Variants in B3GNT7 observed in about 807,000 individuals in gnomAD.
B3GNT7 encodes UDP-GlcNAc:betaGal beta-1,3-N-acetylglucosaminyltransferase 7.
B3GNT7 carries 9 observed loss-of-function variants against 5.1 expected under a neutral mutation model. That is an observed-to-expected ratio of 1.77 (90% CI 1.07 to 3.09). The LOEUF is 3.09. Among genes scored for constraint, B3GNT7 ranks in the 30% most tolerant of loss-of-function variants. B3GNT7 has a pLI of 0.00. For synonymous variants in B3GNT7, 253 were observed against 248.6 expected (o/e 1.02, Z -0.17); for missense variants, 468 against 550.8 (o/e 0.85, Z 1.50).
At chr2:231,397,133 T>G in intron 1 of B3GNT7, 1 of 944,504 alleles carries the variant, frequency 1.1e-6, no homozygotes, top group Non-Finnish European at 1.3e-6. Flanking sequence ...GGAGGGCCAG[T>G]CTTCCTCAGG....
Position 231,398,932 on chromosome 2 carries a change from C to CCGGGCTA in B3GNT7, c.*9_*15dup. ...CAAGCTCCAGGTGCTCTGACCCCAG[C>CCGGGCTA]CGGGCTACTAGGACAGGCCAGGGCA... On this transcript the variant is annotated 3_prime_UTR_variant, in exon 2 of 2. Coordinates refer to ENST00000287590, the MANE Select transcript of B3GNT7 (RefSeq NM_145236.3). The CCGGGCTA allele has an allele frequency of 1.3e-6, 2 of 1,558,812 alleles. No homozygotes were observed. The highest frequency in any genetic ancestry group is 1.2e-5 in the South Asian group (1 of 86,280).
intron 1 of B3GNT7, chr2:231,397,173 C>T (rs942362589): frequency 4.1e-6 from 4 of 985,320 alleles, no homozygotes; most frequent in Admixed American, 6.2e-5. Flanking sequence ...TCCAATGTGC[C>T]CCACATGTGA....
At position 231,398,598 on chromosome 2, in the gene B3GNT7, C is replaced by T; in HGVS notation, c.879C>T (p.Ser293=). The change falls in exon 2 of 2, where the codon AGC becomes AGT. Residue 293 remains serine (S), a synonymous_variant. Transcript: ENST00000287590. ...YIPGALYGKA[S]YPPYAGGGGF... ...CGGGGGCCCTGTACGGCAAGGCCAG[C>T]TATCCGCCGTATGCAGGCGGCGGTG... is the stretch of plus-strand genomic sequence containing the variant. 6.2e-7 allele frequency: 1 copy of T among 1,612,778 alleles called. No homozygotes were observed. The highest frequency in any genetic ancestry group is 8.5e-7 in the Non-Finnish European group (1 of 1,179,638).
Position 231,398,114 on chromosome 2 carries a change from G to T in B3GNT7, c.395G>T (p.Gly132Val), listed in dbSNP as rs779323021. ...MLLNHPEKCR[G>V]DVYLLVVVKS... ...CTGAACCACCCGGAGAAGTGCAGGG[G>T]CGATGTCTACCTGCTGGTGGTTGTC... The change falls in exon 2 of 2, where the codon GGC (glycine) becomes GTC (valine). Residue 132 changes from glycine to valine, a missense_variant. Transcript: ENST00000287590. 2.5e-6 allele frequency: 4 copies of T among 1,609,724 alleles called. No individual in the cohort carries two copies. The highest frequency in any genetic ancestry group is 1.1e-5 in the South Asian group (1 of 90,650).
Position 231,395,853 on chromosome 2 carries a change from G to C in B3GNT7, c.11+39G>C, listed in dbSNP as rs1422808074. 8.7e-7 allele frequency: 1 copy of C among 1,146,950 alleles called. No homozygotes were observed. The highest frequency in any genetic ancestry group is 1.1e-6 in the Non-Finnish European group (1 of 929,642). 71.0% of individuals were successfully genotyped at this position (1,146,950 alleles called of 1,614,324 possible). Reference sequence around the variant, plus strand: ...GGGGCCGTCGGGGGCCTGGGCGGGGGCGTGGGCCCGGGGCTCCCCCTCCTC... The same window carrying C: ...GGGGCCGTCGGGGGCCTGGGCGGGGCCGTGGGCCCGGGGCTCCCCCTCCTC... On this transcript the variant is annotated intron_variant, in intron 1 of 1. Coordinates refer to ENST00000287590, the MANE Select transcript of B3GNT7 (RefSeq NM_145236.3). The surrounding 1 kb of genome is among the most constrained non-coding windows in gnomAD (Gnocchi z 7.3).
At position 231,401,067 on chromosome 2, in the gene B3GNT7, T is replaced by C. The variant is rs1471765606; in HGVS notation, c.*2142T>C. ...ACGTGGACCCCTTAGAGTTGTAAGC[T>C]CTTAAAAGGGCTAGGAATTTCTTTT... On this transcript the variant is annotated 3_prime_UTR_variant, in exon 2 of 2. Coordinates refer to ENST00000287590, the MANE Select transcript of B3GNT7 (RefSeq NM_145236.3). 1 of 152,218 alleles carries C rather than the reference T, an allele frequency of 6.6e-6. No individual in the cohort carries two copies. Among genetic ancestry groups the C allele is most frequent in the African/African-American group, 2.4e-5 (1 of 41,448 alleles). The allele number at this position is 152,218 out of a possible 1,614,324, so 9.4% of individuals were successfully genotyped here.
At position 231,397,717 on chromosome 2, in the gene B3GNT7, G is replaced by T. The variant is rs1206938091; in HGVS notation, c.12-14G>T. ...CTTTTCTCTCTCCTCTGTACTGTCC[G>T]CTCTCCCCCACAGGAAGAAAACCGT... On this transcript the variant is annotated splice_polypyrimidine_tract_variant and intron_variant, in intron 1 of 1. Transcript: ENST00000287590. 2 of 1,598,002 alleles carry T rather than the reference G, an allele frequency of 1.3e-6. No individual in the cohort carries two copies. The highest frequency in any genetic ancestry group is 8.5e-7 in the Non-Finnish European group (1 of 1,172,838).
chr2:231,398,020 T>C lies in B3GNT7; in HGVS notation c.301T>C (p.Phe101Leu), dbSNP rs374018323. Residue 101 changes from phenylalanine to leucine, a missense_variant, in exon 2 of 2, where the codon TTC becomes CTC. By Grantham distance (22) the Phe-to-Leu change is conservative (BLOSUM62 0). Coordinates refer to ENST00000287590, the MANE Select transcript of B3GNT7 (RefSeq NM_145236.3). ...ANINLTHQPW[F>L]QVLEPQFRQF... ...TATCAACTTGACCCACCAGCCCTGGTTCCAGGTCCTGGAGCCGCAGTTCCG... is the reference window on the plus strand; with the variant it reads ...TATCAACTTGACCCACCAGCCCTGGCTCCAGGTCCTGGAGCCGCAGTTCCG... The C allele has an allele frequency of 1.1e-5, 17 of 1,610,192 alleles. No individual in the cohort carries two copies. The highest frequency in any genetic ancestry group is 1.4e-5 in the Non-Finnish European group (17 of 1,179,884).
chr2:231,398,680 G>A lies in B3GNT7; in HGVS notation c.961G>A (p.Glu321Lys). The change falls in exon 2 of 2, where the codon GAG (glutamate) becomes AAG (lysine). Residue 321 changes from glutamate to lysine, a missense_variant. Glu to Lys is a moderately conservative substitution (Grantham distance 56). Coordinates refer to ENST00000287590, the MANE Select transcript of B3GNT7 (RefSeq NM_145236.3). The stretch of plus-strand genomic sequence containing the variant: ...CCTGCACCATGCCTGCGACACCCTG[G>A]AGCTCTACCCGATCGACGACGTCTT... ...RRLHHACDTLELYPIDDVFLG... is the reference protein window; with the variant it reads ...RRLHHACDTLKLYPIDDVFLG... The A allele has an allele frequency of 6.2e-7, 1 of 1,612,198 alleles. No homozygotes were observed.
chr2:231,398,169 C>G lies in B3GNT7; in HGVS notation c.450C>G (p.Arg150=). 6.3e-7 allele frequency: 1 copy of G among 1,591,112 alleles called. No homozygotes were observed. ...VKSVITQHDR[R]EAIRQTWGRE... ...CGGTCATCACGCAGCACGACCGCCG[C>G]GAGGCCATCCGCCAGACCTGGGGCC... Residue 150 remains arginine, a synonymous_variant, in exon 2 of 2, where the codon CGC becomes CGG. Transcript: ENST00000287590.
chr2:231,399,077 G>A lies in B3GNT7; in HGVS notation c.*152G>A. The A allele has an allele frequency of 1.5e-6, 1 of 684,016 alleles. No homozygotes were observed. The highest frequency in any genetic ancestry group is 1.9e-5 in the South Asian group (1 of 51,552). The allele number at this position is 684,016 out of a possible 1,614,324, so 42.4% of individuals were successfully genotyped here. A position where few individuals can be genotyped will look rare whatever the true frequency, so the allele number is the denominator to read the frequency against. ...TGCCACTGGGTGTGGTGGGGTGCAG[G>A]TAGCCAGAAAGGGACCTCCCTGTGT... On this transcript the variant is annotated 3_prime_UTR_variant, in exon 2 of 2. Coordinates refer to ENST00000287590, the MANE Select transcript of B3GNT7 (RefSeq NM_145236.3).
Position 231,398,288 on chromosome 2 carries a change from A to G in B3GNT7, c.569A>G (p.Gln190Arg). The change falls in exon 2 of 2, where the codon CAG becomes CGG. Residue 190 changes from glutamine (Q) to arginine (R), a missense_variant. By Grantham distance (43) the Gln-to-Arg change is conservative (BLOSUM62 1). Transcript: ENST00000287590. ...AAGCAGGAGGAGCGCACGCACTACC[A>G]GCAGCTGCTGGCCTACGAAGACCGC... is the stretch of plus-strand genomic sequence containing the variant. The part of the protein sequence containing the change: ...ASKQEERTHY[Q>R]QLLAYEDRLY... The G allele has an allele frequency of 6.2e-7, 1 of 1,613,040 alleles. No individual in the cohort carries two copies. The highest frequency in any genetic ancestry group is 1.3e-5 in the African/African-American group (1 of 75,070).
chr2:231,395,730 C>T lies in B3GNT7; in HGVS notation c.-74C>T. ...CCGGTCTCCGTCCCCACCCGCCCGC[C>T]GTCCCGCCGGCCCGAGCCGTGGCGC... is the stretch of plus-strand genomic sequence containing the variant. On this transcript the variant is annotated 5_prime_UTR_variant, in exon 1 of 2. Coordinates refer to ENST00000287590, the MANE Select transcript of B3GNT7 (RefSeq NM_145236.3). This position sits in a 1 kb window ranked among gnomAD's most constrained non-coding sequence, Gnocchi z 7.3. The T allele has an allele frequency of 4.4e-6, 5 of 1,144,634 alleles. No homozygotes were observed. Among genetic ancestry groups the T allele is most frequent in the Non-Finnish European group, 5.4e-6 (5 of 932,488 alleles). 70.9% of individuals were successfully genotyped at this position (1,144,634 alleles called of 1,614,324 possible).
rs2046549294 is a variant in B3GNT7, at chr2:231,399,899, C to T, written c.*974C>T. 1 of 152,728 alleles carries T rather than the reference C, an allele frequency of 6.5e-6. No individual in the cohort carries two copies. Among genetic ancestry groups the T allele is most frequent in the Non-Finnish European group, 1.5e-5 (1 of 68,452 alleles). 9.5% of individuals were successfully genotyped at this position (152,728 alleles called of 1,614,324 possible). A position where few individuals can be genotyped will look rare whatever the true frequency, so the allele number is the denominator to read the frequency against. ...GCTGCCTGCCCTCAGCACCCCCAGG[C>T]CCCTCACAGCCCAGCCCCCTCCAGA... On this transcript the variant is annotated 3_prime_UTR_variant, in exon 2 of 2. Transcript: ENST00000287590.
At position 231,398,275 on chromosome 2, in the gene B3GNT7, C is replaced by T. The variant is rs768768447; in HGVS notation, c.556C>T (p.Arg186Cys). Residue 186 changes from arginine (R) to cysteine (C), a missense_variant, in exon 2 of 2, where the codon CGC (arginine) becomes TGC (cysteine). Coordinates refer to ENST00000287590, the MANE Select transcript of B3GNT7 (RefSeq NM_145236.3). ...LLGTASKQEE[R>C]THYQQLLAYE... ...GGGCACGGCCTCCAAGCAGGAGGAG[C>T]GCACGCACTACCAGCAGCTGCTGGC... The T allele has an allele frequency of 1.9e-5, 31 of 1,612,750 alleles. No individual in the cohort carries two copies. The Admixed American group carries it at 4.7e-4, about 24-fold the overall frequency.
rs982888461 is a variant in B3GNT7, at chr2:231,395,975, C to CGCG, written c.11+175_11+177dup. ...TCCCGGGGGCGGATGGGCGGGCGGG[C>CGCG]GCGGCGGCGGCGGCGGGAGATGTTC... On this transcript the variant is annotated intron_variant, in intron 1 of 1. Transcript: ENST00000287590. The surrounding 1 kb of genome is among the most constrained non-coding windows in gnomAD (Gnocchi z 7.3). Among the ~76,000 whole-genome samples the CGCG allele has an allele frequency of 6.6e-5, 10 of 151,212 alleles. No individual in the cohort carries two copies. Among genetic ancestry groups the CGCG allele is most frequent in the Non-Finnish European group, 1.0e-4 (7 of 67,634 alleles).
Position 231,399,744 on chromosome 2 carries a change from G to A in B3GNT7, c.*819G>A, listed in dbSNP as rs1454283723. 1 of 152,152 alleles carries A rather than the reference G, an allele frequency of 6.6e-6. No homozygotes were observed. Among genetic ancestry groups the A allele is most frequent in the Non-Finnish European group, 1.5e-5 (1 of 68,094 alleles). The allele number at this position is 152,152 out of a possible 1,614,324, so 9.4% of individuals were successfully genotyped here. ...TCCCTGGCTGGAAAGCAGCCGGTTTGGCCCTGGAAGTGGACATTCCTCTAT... is the reference window on the plus strand; with the variant it reads ...TCCCTGGCTGGAAAGCAGCCGGTTTAGCCCTGGAAGTGGACATTCCTCTAT... On this transcript the variant is annotated 3_prime_UTR_variant, in exon 2 of 2. Transcript: ENST00000287590.
At position 231,395,783 on chromosome 2, in the gene B3GNT7, G is replaced by T; in HGVS notation, c.-21G>T. The T allele has an allele frequency of 8.6e-7, 1 of 1,168,626 alleles. No individual in the cohort carries two copies. Among genetic ancestry groups the T allele is most frequent in the Non-Finnish European group, 1.1e-6 (1 of 948,362 alleles). 72.4% of individuals were successfully genotyped at this position (1,168,626 alleles called of 1,614,324 possible). A position where few individuals can be genotyped will look rare whatever the true frequency, so the allele number is the denominator to read the frequency against. Reference sequence around the variant, plus strand: ...AGAGCTGCGAGCCGCTCGCCCCTCCGCCGCTCCGGCCCGGGCCGCCATGTC... The same window carrying T: ...AGAGCTGCGAGCCGCTCGCCCCTCCTCCGCTCCGGCCCGGGCCGCCATGTC... On this transcript the variant is annotated 5_prime_UTR_variant, in exon 1 of 2. Transcript: ENST00000287590. This position sits in a 1 kb window ranked among gnomAD's most constrained non-coding sequence, Gnocchi z 7.3.
In B3GNT7 at chr2:231,399,124, G is replaced by A. The variant is rs1415171613; in HGVS notation, c.*199G>A. The A allele has an allele frequency of 1.5e-5, 9 of 596,730 alleles. No homozygotes were observed. The highest frequency in any genetic ancestry group is 1.1e-4 in the East Asian group (4 of 35,466). 37.0% of individuals were successfully genotyped at this position (596,730 alleles called of 1,614,324 possible). ...GTGTGGATAATTCTAGGAAACTGAG[G>A]CCCAGGAACGGTTGGAGCTGCCCAG... On this transcript the variant is annotated 3_prime_UTR_variant, in exon 2 of 2. Coordinates refer to ENST00000287590, the MANE Select transcript of B3GNT7 (RefSeq NM_145236.3).
Sources: allele counts gnomAD v4.1 joint callset (sites outside exome capture counted in the v4.1 genomes callset), GRCh38; gene constraint gnomAD v4.1.1; non-coding constraint Gnocchi (gnomAD v3.1); transcripts MANE v1.5; gene names NCBI Gene and HGNC (gene_info 2026-07-23, HGNC 2026-07-21).